The following CAST variants were observed in gnomAD, a reference collection of about 807,000 sequenced individuals.
CAST encodes calpastatin, also known as MIR583 host.
Under a neutral mutation model 119.6 loss-of-function variants are expected in CAST, and 76 were observed. The ratio of observed to expected loss-of-function variants is 0.64; its 90% CI spans 0.53 to 0.77. The LOEUF (loss-of-function observed/expected upper bound fraction) is 0.77, where lower values mean the gene tolerates loss of function less well. CAST is among the 30% of genes least tolerant of loss of function. The pLI is 0.00. For missense variants in CAST, 953 were observed against 946.5 expected (o/e 1.01, Z -0.09); for synonymous variants, 319 against 331.6 (o/e 0.96, Z 0.41).
chr5:95,997,128 TG>T, the CAST span, among the ~76,000 whole-genome samples: 14 of 152,308 alleles, frequency 9.2e-5, no homozygotes, highest in African/African-American at 2.9e-4. Context: ...TTTGATTCAG[TG>T]GGTTTCCCCC....
chr5:96,582,569 C>G (rs1746788891), intron 1 of CAST, among the ~76,000 whole-genome samples: 1 of 152,126 alleles, frequency 6.6e-6, no homozygotes. Flanking sequence ...CGTGGGCCAG[C>G]ATAAATGTAC....
chr5:96,087,436 T>A, the CAST span, among the ~76,000 whole-genome samples: 1 of 152,202 alleles, frequency 6.6e-6, no homozygotes, highest in African/African-American at 2.4e-5. Flanking sequence ...TTTCATAGAT[T>A]GTTGTTCATT....
At chr5:96,625,428 T>A (rs1747703660) in intron 1 of CAST, among the ~76,000 whole-genome samples, 1 of 152,236 alleles carries the variant, frequency 6.6e-6, no homozygotes, top group Admixed American at 6.5e-5. Context: ...TACCTGAAAC[T>A]AGCAGCGAAA....
At chr5:96,576,693 T>G (rs1179942214) in intron 1 of CAST, among the ~76,000 whole-genome samples, 2 of 152,162 alleles carry the variant, frequency 1.3e-5, no homozygotes, top group Admixed American at 1.3e-4. Context: ...TTCATTTTTT[T>G]TAAATGTTGT....
intron 24 of CAST, 163 bp from the exon 25 acceptor site, chr5:96,762,110 AG>A (rs1768171534): frequency 2.2e-6 from 1 of 451,892 alleles, no homozygotes; most frequent in South Asian, 5.9e-5. Flanking sequence ...ACAATAGAGA[AG>A]AAAGAATTTA....
the CAST span, among the ~76,000 whole-genome samples, chr5:96,202,512 T>G: frequency 3.3e-5 from 5 of 152,088 alleles, no homozygotes; most frequent in Non-Finnish European, 5.9e-5. Context: ...ATGACTTGTA[T>G]GAGAGGATTT....
chr5:96,395,110 T>C, the CAST span: 1 of 1,068,060 alleles, frequency 9.4e-7, no homozygotes, highest in Admixed American at 1.7e-5. Flanking sequence ...AGGATTTCAT[T>C]GTTAAAATCT....
intron 1 of CAST, among the ~76,000 whole-genome samples, chr5:96,576,165 G>T (rs56327342): frequency 5.9e-5 from 9 of 152,202 alleles, no homozygotes; most frequent in African/African-American, 2.2e-4. Context: ...ATATTGTTCT[G>T]TTGTTTTCTT....
At chr5:96,008,584 C>T in the CAST span, among the ~76,000 whole-genome samples, 41 of 152,094 alleles carry the variant, frequency 2.7e-4, no homozygotes, top group Non-Finnish European at 5.0e-4. Context: ...GGAGGCTTAC[C>T]TCATCCATGG....
At chr5:96,750,719 G>A (rs767599980) in intron 20 of CAST, 37 bp downstream of exon 20, 1 of 1,285,836 alleles carries the variant, frequency 7.8e-7, no homozygotes, top group East Asian at 2.3e-5. Flanking sequence ...AGTGGCTTGA[G>A]AAAGTTTTCT....
At chr5:96,122,555 G>GT in the CAST span, among the ~76,000 whole-genome samples, 1 of 152,146 alleles carries the variant, frequency 6.6e-6, no homozygotes. Context: ...AGTCGAACTT[G>GT]TTTGAGACCT....
intron 1 of CAST, among the ~76,000 whole-genome samples, chr5:96,614,092 A>T (rs1305833131): frequency 6.6e-6 from 1 of 152,200 alleles, no homozygotes; most frequent in Admixed American, 6.5e-5. Flanking sequence ...AGGTAATACA[A>T]ATGCTGCCGG....
chr5:96,433,502 C>T, the CAST span, among the ~76,000 whole-genome samples: 2 of 152,164 alleles, frequency 1.3e-5, no homozygotes, highest in African/African-American at 4.8e-5. Flanking sequence ...AAGAGAAGTG[C>T]CCCACTTGAA....
chr5:96,199,234 A>G, the CAST span, among the ~76,000 whole-genome samples: 2 of 152,122 alleles, frequency 1.3e-5, no homozygotes, highest in African/African-American at 4.8e-5. Flanking sequence ...TCATCATTTT[A>G]TTTTTGAGAA....
the CAST span, among the ~76,000 whole-genome samples, chr5:96,136,332 C>T: frequency 6.7e-6 from 1 of 150,306 alleles, no homozygotes; most frequent in Non-Finnish European, 1.5e-5. Context: ...GCCCATTTGA[C>T]ATAATTGCAC....
the CAST span, among the ~76,000 whole-genome samples, chr5:96,221,201 A>C: frequency 2.0e-5 from 3 of 152,066 alleles, no homozygotes; most frequent in Non-Finnish European, 1.5e-5. Context: ...TATCCTTGTC[A>C]TATTGAAGAC....
rs760775610 is a variant in CAST at position 96,740,038 on chromosome 5, G to T, written c.799G>T (p.Asp267Tyr). The T allele has an allele frequency of 4.6e-6, 7 of 1,518,028 alleles. No individual in the cohort carries two copies. In the African/African-American group the frequency reaches 5.5e-5, roughly 12 times the overall value. The allele number at this position is 1,518,028 out of a possible 1,614,324, so 94.0% of individuals were successfully genotyped here. A position where few individuals can be genotyped will look rare whatever the true frequency, so the allele number is the denominator to read the frequency against. ...CCCTATGTGTATGATTTTGTTCCAGGATCCAATGAGTTCCACCTACATAGA... is the reference window on the plus strand; with the variant it reads ...CCCTATGTGTATGATTTTGTTCCAGTATCCAATGAGTTCCACCTACATAGA... ...NTTYTGPEVS[D>Y]PMSSTYIEEL... is the part of the protein sequence containing the mutation. The change falls in exon 12 of 32, where the codon GAT becomes TAT. Residue 267 changes from aspartate to tyrosine, a missense_variant and splice_region_variant. Asp to Tyr is a radical substitution (Grantham distance 160, BLOSUM62 -3). Transcript: ENST00000675179.
At position 96,736,150 on chromosome 5, in the gene CAST, T is replaced by G. The variant is rs777658632; in HGVS notation, c.631-22T>G. ...TTTTATTAAGGTATGTGAGGAGTTG[T>G]TAATTTCTCAATTCTCACCAGAAAA... On this transcript the variant is annotated intron_variant, in intron 9 of 31. Coordinates refer to ENST00000675179, the MANE Select transcript of CAST (RefSeq NM_001750.7). The G allele has an allele frequency of 3.9e-6, 6 of 1,539,088 alleles. No homozygotes were observed. The East Asian group carries it at 1.1e-4, about 29-fold the overall frequency.
chr5:95,993,550 A>G, the CAST span, among the ~76,000 whole-genome samples: 67 of 152,296 alleles, frequency 4.4e-4, no homozygotes, highest in Non-Finnish European at 5.3e-4. Flanking sequence ...AACAAAGTTC[A>G]GTATGTGCCA....
Sources: allele counts gnomAD v4.1 joint callset (sites outside exome capture counted in the v4.1 genomes callset), GRCh38; gene constraint gnomAD v4.1.1; transcripts MANE v1.5; gene names NCBI Gene and HGNC (gene_info 2026-07-23, HGNC 2026-07-21).